The following CPQ variants were observed in gnomAD, a reference collection of about 807,000 sequenced individuals.
CPQ encodes Ser-Met dipeptidase.
Under a neutral mutation model 45.7 loss-of-function variants are expected in CPQ, and 37 were observed. That is an observed-to-expected ratio of 0.81 (90% CI 0.62 to 1.07). The LOEUF (loss-of-function observed/expected upper bound fraction) is 1.07. Among genes scored for constraint, CPQ ranks in the 50% least tolerant of loss-of-function variants. The pLI is 0.00. For missense variants in CPQ, 537 were observed against 572.9 expected (o/e 0.94, Z 0.64); for synonymous variants, 186 against 205.8 (o/e 0.90, Z 0.82).
chr8:96,920,548 G>T (rs1457169801), intron 4 of CPQ, among the ~76,000 whole-genome samples: 2 of 152,024 alleles, frequency 1.3e-5, no homozygotes, highest in African/African-American at 4.8e-5. Flanking sequence ...TTATATTAAA[G>T]CTCATTTAAT....
At chr8:96,742,983 T>C (rs965692618) in intron 1 of CPQ, among the ~76,000 whole-genome samples, 2 of 152,182 alleles carry the variant, frequency 1.3e-5, no homozygotes, top group Admixed American at 6.5e-5. Context: ...GGAGTATCTT[T>C]GTGGTGTTCT....
intron 2 of CPQ, among the ~76,000 whole-genome samples, chr8:96,833,060 A>T (rs1413652938): frequency 5.9e-5 from 9 of 152,080 alleles, no homozygotes; most frequent in African/African-American, 1.9e-4. Flanking sequence ...TTCAATTGGT[A>T]TTGATTTCTA....
chr8:96,715,185 T>C (rs1269575611), intron 1 of CPQ, among the ~76,000 whole-genome samples: 1 of 152,156 alleles, frequency 6.6e-6, no homozygotes, highest in East Asian at 1.9e-4. Context: ...GTAAATGCAA[T>C]ACCCAGTGGT....
At chr8:96,978,707 G>T (rs1464659114) in intron 5 of CPQ, among the ~76,000 whole-genome samples, 1 of 152,046 alleles carries the variant, frequency 6.6e-6, no homozygotes, top group Non-Finnish European at 1.5e-5. Flanking sequence ...TAAGAAATTG[G>T]TATCATTTAT....
chr8:96,684,569 A>G (rs1586357996), intron 1 of CPQ, among the ~76,000 whole-genome samples: 3 of 152,094 alleles, frequency 2.0e-5, no homozygotes, highest in South Asian at 4.1e-4. Flanking sequence ...GCTTGTCTTT[A>G]GGCCCCAGAT....
intron 6 of CPQ, among the ~76,000 whole-genome samples, chr8:97,045,946 A>G (rs73695755): frequency 0.087 from 13,233 of 152,260 alleles, 1,139 homozygotes; most frequent in African/African-American, 0.23. Flanking sequence ...AGGATGGGCA[A>G]TACCCAAACT....
intron 1 of CPQ, among the ~76,000 whole-genome samples, chr8:96,749,422 C>G (rs533406465): frequency 2.6e-4 from 40 of 152,302 alleles, no homozygotes; most frequent in African/African-American, 9.1e-4. Context: ...AGGCTTGGTT[C>G]TGTCTCAAAT....
At chr8:96,785,988 C>T (rs1455276856) in intron 2 of CPQ, among the ~76,000 whole-genome samples, 1 of 152,088 alleles carries the variant, frequency 6.6e-6, no homozygotes, top group Non-Finnish European at 1.5e-5. Context: ...AAGAGAAAGG[C>T]CTAGTGAAGT....
chr8:96,899,975 G>A (rs1051604122), intron 4 of CPQ, among the ~76,000 whole-genome samples: 2 of 152,104 alleles, frequency 1.3e-5, no homozygotes, highest in African/African-American at 4.8e-5. Context: ...AGATGATGTT[G>A]TCTTTGATGG....
At chr8:96,930,054 A>C (rs1360354876) in intron 4 of CPQ, among the ~76,000 whole-genome samples, 2 of 152,202 alleles carry the variant, frequency 1.3e-5, no homozygotes, top group African/African-American at 4.8e-5. Flanking sequence ...AGGGAGATAT[A>C]GGTTCCCTGA....
chr8:97,004,528 T>C (rs1809346151), intron 5 of CPQ, among the ~76,000 whole-genome samples: 1 of 152,082 alleles, frequency 6.6e-6, no homozygotes, highest in Admixed American at 6.5e-5. Flanking sequence ...AAATTACCCT[T>C]TGACTAATTT....
chr8:97,044,146 C>T (rs989664639), intron 6 of CPQ, among the ~76,000 whole-genome samples: 1 of 152,188 alleles, frequency 6.6e-6, no homozygotes, highest in African/African-American at 2.4e-5. Flanking sequence ...TTGGTCTTTT[C>T]ACATAGTCCC....
intron 4 of CPQ, among the ~76,000 whole-genome samples, chr8:96,918,145 C>A (rs572277094): frequency 6.8e-4 from 103 of 152,056 alleles, no homozygotes; most frequent in African/African-American, 2.4e-3. Flanking sequence ...ACTAGCAGCC[C>A]CTTTCTCTCA....
chr8:97,101,689 G>A (rs1271810217), intron 7 of CPQ, among the ~76,000 whole-genome samples: 2 of 150,716 alleles, frequency 1.3e-5, no homozygotes, highest in Non-Finnish European at 2.9e-5. Context: ...AGAGATCAGA[G>A]TTGGCACAGG....
intron 7 of CPQ, among the ~76,000 whole-genome samples, chr8:97,132,328 T>C (rs916521586): frequency 1.3e-5 from 2 of 152,142 alleles, no homozygotes; most frequent in Admixed American, 6.5e-5. Context: ...TCCAGCTCCA[T>C]TGTGTCACCT....
At chr8:96,888,149 C>G (rs1012465292) in intron 4 of CPQ, among the ~76,000 whole-genome samples, 2 of 152,130 alleles carry the variant, frequency 1.3e-5, no homozygotes, top group African/African-American at 2.4e-5. Context: ...ACTTCCTACC[C>G]CACACCACAC....
At chr8:96,675,739 G>A (rs982509118) in intron 1 of CPQ, among the ~76,000 whole-genome samples, 2 of 151,982 alleles carry the variant, frequency 1.3e-5, no homozygotes, top group African/African-American at 4.8e-5. Context: ...GAGGGGAACA[G>A]CACTCTGTTT....
chr8:97,072,416 C>T (rs983752500), intron 7 of CPQ, among the ~76,000 whole-genome samples: 5 of 152,068 alleles, frequency 3.3e-5, no homozygotes, highest in African/African-American at 7.2e-5. Flanking sequence ...CAGAAATCAC[C>T]GCTAAATAAC....
chr8:96,829,369 C>T (rs1424265669), intron 2 of CPQ, among the ~76,000 whole-genome samples: 1 of 152,028 alleles, frequency 6.6e-6, no homozygotes, highest in Non-Finnish European at 1.5e-5. Context: ...GCACTTTGCC[C>T]CTTGTTCCTC....
Sources: allele counts gnomAD v4.1 joint callset (sites outside exome capture counted in the v4.1 genomes callset), GRCh38; gene constraint gnomAD v4.1.1; transcripts MANE v1.5; gene names NCBI Gene and HGNC (gene_info 2026-07-23, HGNC 2026-07-21).